The following PTPRE variants were observed in gnomAD, a reference collection of about 807,000 sequenced individuals.
PTPRE encodes receptor-type tyrosine-protein phosphatase epsilon.
Under a neutral mutation model 102.0 loss-of-function variants are expected in PTPRE, and 51 were observed. The ratio of observed to expected loss-of-function variants is 0.50; its 90% CI spans 0.40 to 0.63. PTPRE has a LOEUF of 0.63. Ranked by LOEUF, PTPRE falls within the 30% of genes least tolerant of loss-of-function variation. The probability of loss-of-function intolerance (pLI) is 0.00; values close to 1 mark genes in which losing one functional copy is unlikely to be tolerated. For missense variants in PTPRE, 752 were observed against 915.1 expected (o/e 0.82, Z 2.30); for synonymous variants, 345 against 348.2 (o/e 0.99, Z 0.10).
At chr10:128,072,481 G>A (rs1041147261) in intron 16 of PTPRE, 5 of 315,256 alleles carry the variant, frequency 1.6e-5, no homozygotes, top group South Asian at 5.5e-5. Context: ...GGCAAAACCC[G>A]TCTCTACTAA....
chr10:127,907,288 C>A lies in PTPRE; in HGVS notation c.-52C>A, dbSNP rs1167342093. The A allele has an allele frequency of 2.4e-5, 24 of 984,626 alleles. No homozygotes were observed. Among genetic ancestry groups the A allele is most frequent in the Admixed American group, 1.9e-4 (3 of 16,216 alleles). 61.0% of individuals were successfully genotyped at this position (984,626 alleles called of 1,614,324 possible). The stretch of plus-strand genomic sequence containing the variant: ...AGCCTCCGCTGCAGCGCGATCTGCG[C>A]GACCAGACCGGCCCCCCCGAGGTGA... On this transcript the variant is annotated 5_prime_UTR_variant, in exon 1 of 21. Coordinates refer to ENST00000254667, the MANE Select transcript of PTPRE (RefSeq NM_006504.6). This position sits in a 1 kb window ranked among gnomAD's most constrained non-coding sequence, Gnocchi z 4.8.
rs749835321 is a variant in PTPRE at position 127,917,566 on chromosome 10, G to A, written c.-31+10257G>A. On this transcript the variant is annotated intron_variant, in intron 1 of 20. Coordinates refer to ENST00000254667, the MANE Select transcript of PTPRE (RefSeq NM_006504.6). Reference sequence around the variant, plus strand: ...GCATGCCTGTAGTCCCAGTTGCTCCGGGGGCTAAGGCAGGAGGATCACTTG... The same window carrying A: ...GCATGCCTGTAGTCCCAGTTGCTCCAGGGGCTAAGGCAGGAGGATCACTTG... 6.2e-4 allele frequency among the ~76,000 whole-genome samples: 95 copies of A among 152,202 alleles called. 1 individual carries two copies. The highest frequency in any genetic ancestry group is 9.9e-4 in the Non-Finnish European group (67 of 67,994).
chr10:127,945,845 T>C (rs1848582089), intron 1 of PTPRE, among the ~76,000 whole-genome samples: 1 of 152,186 alleles, frequency 6.6e-6, no homozygotes, highest in African/African-American at 2.4e-5. Context: ...TGCTAACCCC[T>C]GTGGGGTCGC....
At chr10:127,974,153 T>C (rs1850970398) in intron 1 of PTPRE, among the ~76,000 whole-genome samples, 1 of 152,216 alleles carries the variant, frequency 6.6e-6, no homozygotes, top group African/African-American at 2.4e-5. Flanking sequence ...GCCAAAGGTC[T>C]CTGCAGCATT....
intron 17 of PTPRE, among the ~76,000 whole-genome samples, chr10:128,075,457 A>G (rs886592693): frequency 1.2e-4 from 18 of 151,476 alleles, no homozygotes; most frequent in African/African-American, 4.4e-4. Flanking sequence ...CCACCCCCCA[A>G]CTGGCCCCAG....
intron 2 of PTPRE, among the ~76,000 whole-genome samples, chr10:128,037,967 T>G (rs1408768388): frequency 6.9e-6 from 1 of 145,592 alleles, no homozygotes. Flanking sequence ...ATTTTTTTTT[T>G]TTTTTTTTTT....
chr10:127,990,430 A>C (rs866011088), intron 2 of PTPRE, among the ~76,000 whole-genome samples: 2 of 151,452 alleles, frequency 1.3e-5, no homozygotes, highest in Non-Finnish European at 2.9e-5. Flanking sequence ...AAAAAAAAAA[A>C]AAAGAAAGAA....
chr10:127,917,657 C>T (rs759550521), intron 1 of PTPRE, among the ~76,000 whole-genome samples: 2 of 151,892 alleles, frequency 1.3e-5, no homozygotes, highest in Non-Finnish European at 2.9e-5. Context: ...AGAGCGAGAA[C>T]CTGTCTCAAA....
chr10:128,014,806 C>T (rs1845290292), intron 2 of PTPRE, among the ~76,000 whole-genome samples: 1 of 152,122 alleles, frequency 6.6e-6, no homozygotes, highest in South Asian at 2.1e-4. Context: ...TGACGAGCCA[C>T]TATAAACCCA....
intron 1 of PTPRE, among the ~76,000 whole-genome samples, chr10:127,922,024 A>C (rs1846643066): frequency 1.3e-5 from 2 of 152,222 alleles, no homozygotes; most frequent in Non-Finnish European, 1.5e-5. Flanking sequence ...GGAATAGACT[A>C]ATCCATGACA....
At chr10:127,986,672 T>C (rs1669623510) in intron 2 of PTPRE, among the ~76,000 whole-genome samples, 2 of 152,224 alleles carry the variant, frequency 1.3e-5, no homozygotes, top group African/African-American at 4.8e-5. Flanking sequence ...CATTTGTGTT[T>C]CTTGATGTTG....
chr10:127,978,017 C>T (rs1730483194), intron 1 of PTPRE, among the ~76,000 whole-genome samples: 1 of 152,214 alleles, frequency 6.6e-6, no homozygotes, highest in Non-Finnish European at 1.5e-5. Context: ...CAAAGACCCA[C>T]TTCTCCCACA....
intron 2 of PTPRE, among the ~76,000 whole-genome samples, chr10:128,022,471 C>A (rs756692802): frequency 6.6e-6 from 1 of 152,204 alleles, no homozygotes; most frequent in Non-Finnish European, 1.5e-5. Context: ...GCTTTGGAAT[C>A]GACGGCCCAG....
intron 2 of PTPRE, chr10:128,000,095 T>C (rs1042489627): frequency 1.7e-5 from 9 of 537,182 alleles, no homozygotes; most frequent in African/African-American, 1.0e-4. Flanking sequence ...TTGTTACTGG[T>C]TGATAATTTA....
At chr10:128,029,599 A>G (rs4750931) in intron 2 of PTPRE, among the ~76,000 whole-genome samples, 105,663 of 152,196 alleles carry the variant, frequency 0.69, 37,050 homozygotes, top group African/African-American at 0.77. Flanking sequence ...GTGGGTCTCC[A>G]TTCTCTGGGA....
chr10:127,964,002 G>A (rs561257421), intron 1 of PTPRE, among the ~76,000 whole-genome samples: 1 of 152,120 alleles, frequency 6.6e-6, no homozygotes, highest in South Asian at 2.1e-4. Context: ...CACAGGATTA[G>A]TGCTGGCCCC....
intron 1 of PTPRE, among the ~76,000 whole-genome samples, chr10:127,970,277 C>A (rs895778410): frequency 2.0e-5 from 3 of 152,112 alleles, no homozygotes; most frequent in Non-Finnish European, 4.4e-5. Context: ...CCCAAGAGCA[C>A]CCTAAATCTC....
At chr10:128,030,456 C>T (rs1846650499) in intron 2 of PTPRE, among the ~76,000 whole-genome samples, 1 of 152,146 alleles carries the variant, frequency 6.6e-6, no homozygotes, top group Non-Finnish European at 1.5e-5. Context: ...AGAGAGACGT[C>T]GAACCAGCTG....
intron 1 of PTPRE, among the ~76,000 whole-genome samples, chr10:127,931,651 C>T (rs1451810743): frequency 6.6e-6 from 1 of 152,168 alleles, no homozygotes; most frequent in African/African-American, 2.4e-5. Context: ...TGCATCGTTA[C>T]CCAAATGGAA....
Sources: gnomAD v4.1 joint callset for allele counts (sites outside exome capture counted in the v4.1 genomes callset) on GRCh38, gnomAD v4.1.1 for gene constraint, Gnocchi (gnomAD v3.1) non-coding constraint, MANE v1.5 for transcripts, NCBI Gene and HGNC (gene_info 2026-07-23, HGNC 2026-07-21) for gene names.